The following PTK2 variants were observed in gnomAD, a reference collection of about 807,000 sequenced individuals.
PTK2 encodes protein tyrosine kinase 2, also known as focal adhesion kinase 1.
Under a neutral mutation model 150.1 loss-of-function variants are expected in PTK2, and 45 were observed. The observed-to-expected ratio is 0.30, with a 90% CI of 0.24 to 0.38. The LOEUF is 0.38. Ranked by LOEUF, PTK2 falls within the 10% of genes least tolerant of loss-of-function variation. PTK2 has a pLI of 1.00. For missense variants in PTK2, 919 were observed against 1,307.3 expected (o/e 0.70, Z 4.58); for synonymous variants, 432 against 449.2 (o/e 0.96, Z 0.48).
At chr8:140,778,993 G>C (rs559625879) in intron 14 of PTK2, among the ~76,000 whole-genome samples, 51 of 152,074 alleles carry the variant, frequency 3.4e-4, no homozygotes, top group Non-Finnish European at 5.7e-4. Context: ...GGGCACAGTG[G>C]GTCACACCTG....
chr8:140,714,824 C>T (rs75300378), intron 23 of PTK2, among the ~76,000 whole-genome samples: 43 of 73,464 alleles, frequency 5.9e-4, no homozygotes, highest in Non-Finnish European at 1.0e-3. Context: ...AAAAAAAAAT[C>T]TAAGTAAGAC....
chr8:140,982,058 AC>A (rs2100191629), intron 1 of PTK2, among the ~76,000 whole-genome samples: 1 of 72,404 alleles, frequency 1.4e-5, no homozygotes, highest in African/African-American at 3.8e-5. Context: ...CGCTTCACCA[AC>A]TCAATAAAAA....
rs1200727588 is a variant in PTK2 at position 140,669,300 on chromosome 8, G to GGT, written c.2710-878_2710-877dup. On this transcript the variant is annotated intron_variant, in intron 29 of 31. Transcript: ENST00000522684. ...GGTTAGAATTACACCAGCATAAAATGGTATATATATATATATATATATATA... is the reference window on the plus strand; with the variant it reads ...GGTTAGAATTACACCAGCATAAAATGGTGTATATATATATATATATATATATA... 135 of 39,960 alleles carry GGT rather than the reference G, an allele frequency of 3.4e-3. 1 individual carries two copies. The highest frequency in any genetic ancestry group is 0.014 in the African/African-American group (83 of 6,010). 2.5% of individuals were successfully genotyped at this position (39,960 alleles called of 1,614,324 possible).
intron 1 of PTK2, among the ~76,000 whole-genome samples, chr8:140,985,424 C>T (rs2154610060): frequency 1.3e-5 from 2 of 152,248 alleles, no homozygotes; most frequent in Middle Eastern, 3.4e-3. Flanking sequence ...CTGTGCCTGG[C>T]CTCATGACAT....
intron 1 of PTK2, among the ~76,000 whole-genome samples, chr8:140,927,975 A>AAAAAAAATATAT: frequency 2.1e-5 from 1 of 48,196 alleles, no homozygotes; most frequent in Admixed American, 3.9e-4. Context: ...AAAAAAAAAA[A>AAAAAAAATATAT]ATATATATAT....
chr8:140,740,034 G>A lies in PTK2; in HGVS notation c.1736-927C>T, dbSNP rs937156807. Among the ~76,000 whole-genome samples, 3 of 152,218 alleles carry A rather than the reference G, an allele frequency of 2.0e-5. No homozygotes were observed. In the East Asian group the frequency reaches 5.8e-4, roughly 29 times the overall value. ...TCAGGCATGTGAAGAGCAGGAAGGG[G>A]CAATGGGATAAGAAGGACTTCTCTA... is the stretch of plus-strand genomic sequence containing the variant. On this transcript the variant is annotated intron_variant, in intron 20 of 31. Coordinates refer to ENST00000522684, the Ensembl canonical transcript of PTK2.
intron 1 of PTK2, among the ~76,000 whole-genome samples, chr8:140,996,109 G>T (rs2100197665): frequency 6.6e-6 from 1 of 152,112 alleles, no homozygotes. Context: ...CAAAGGAAAA[G>T]AAAACAGCCT....
chr8:140,951,027 A>T (rs749862853), intron 1 of PTK2, among the ~76,000 whole-genome samples: 1 of 151,958 alleles, frequency 6.6e-6, no homozygotes, highest in African/African-American at 2.4e-5. Flanking sequence ...AATCTATCTC[A>T]GCTGTGCTCA....
chr8:140,957,206 G>C (rs1038304604), intron 1 of PTK2, among the ~76,000 whole-genome samples: 1 of 152,186 alleles, frequency 6.6e-6, no homozygotes, highest in East Asian at 1.9e-4. Flanking sequence ...GGCCGAGGCA[G>C]ATGGATTGCT....
chr8:140,883,254 A>G (rs746313365), intron 3 of PTK2, among the ~76,000 whole-genome samples: 21 of 152,220 alleles, frequency 1.4e-4, no homozygotes, highest in African/African-American at 3.6e-4. Context: ...TAGTGACACA[A>G]TAACGGTTAA....
chr8:140,830,507 G>T, exon 8 of PTK2: 1 of 1,536,550 alleles, frequency 6.5e-7, no homozygotes, highest in Non-Finnish European at 8.8e-7. Flanking sequence ...GGAAAAAATC[G>T]CTTTAAACCA....
chr8:140,976,825 T>TA (rs1412043540), intron 1 of PTK2, among the ~76,000 whole-genome samples: 2 of 152,230 alleles, frequency 1.3e-5, no homozygotes, highest in Non-Finnish European at 2.9e-5. Context: ...GCTAGGTACC[T>TA]AAAAGTTTCT....
At chr8:140,787,454 T>C (rs2100085619) in intron 14 of PTK2, among the ~76,000 whole-genome samples, 1 of 152,228 alleles carries the variant, frequency 6.6e-6, no homozygotes, top group Admixed American at 6.5e-5. Flanking sequence ...CAGCTAACTT[T>C]ATTCCTCTTA....
At chr8:140,778,183 T>C (rs899316289) in intron 14 of PTK2, among the ~76,000 whole-genome samples, 9 of 152,184 alleles carry the variant, frequency 5.9e-5, no homozygotes, top group African/African-American at 7.2e-5. Flanking sequence ...TTAGACTTAA[T>C]TGGGCTGGGC....
At chr8:140,714,170 G>A (rs532807842) in intron 23 of PTK2, among the ~76,000 whole-genome samples, 1 of 152,160 alleles carries the variant, frequency 6.6e-6, no homozygotes, top group Non-Finnish European at 1.5e-5. Flanking sequence ...TTATAGGTGT[G>A]AGTCACCACA....
chr8:140,684,083 G>C (rs1448372587), intron 27 of PTK2, among the ~76,000 whole-genome samples: 4 of 152,200 alleles, frequency 2.6e-5, no homozygotes, highest in African/African-American at 4.8e-5. Flanking sequence ...TGTGTTTGTA[G>C]ATGATGTGAT....
intron 1 of PTK2, among the ~76,000 whole-genome samples, chr8:140,994,810 A>G (rs10106750): frequency 0.42 from 63,494 of 151,990 alleles, 15,188 homozygotes; most frequent in Non-Finnish European, 0.55. Flanking sequence ...TGAGATACAA[A>G]AATACTGCAA....
chr8:140,820,117 TTA>T lies in PTK2; in HGVS notation c.649-1099_649-1098del, dbSNP rs1566993197. Among the ~76,000 whole-genome samples the T allele has an allele frequency of 3.8e-3, 240 of 63,796 alleles. 48 individuals carry two copies. Among genetic ancestry groups the T allele is most frequent in the Admixed American group, 5.5e-3 (33 of 6,018 alleles). 41.9% of individuals were successfully genotyped at this position (63,796 alleles called of 152,430 possible). On this transcript the variant is annotated intron_variant, in intron 8 of 31. Transcript: ENST00000522684. ...TTTTTTTTTTTTTTTTTTTTTTTTTTTAAATAGGGTCTCACTCTGTCGCCCAG... is the reference window on the plus strand; with the variant it reads ...TTTTTTTTTTTTTTTTTTTTTTTTTTAATAGGGTCTCACTCTGTCGCCCAG...
chr8:140,988,889 C>T (rs2100194449), intron 1 of PTK2, among the ~76,000 whole-genome samples: 2 of 151,984 alleles, frequency 1.3e-5, no homozygotes, highest in South Asian at 4.2e-4. Context: ...TTAATCCCTT[C>T]CTTATACTAT....
Sources: allele counts gnomAD v4.1 joint callset (sites outside exome capture counted in the v4.1 genomes callset), GRCh38; gene constraint gnomAD v4.1.1; transcripts MANE v1.5; gene names NCBI Gene and HGNC (gene_info 2026-07-23, HGNC 2026-07-21).